VEPH1: variants seen among roughly 807,000 people sequenced by gnomAD.
VEPH1 encodes ventricular zone expressed PH domain containing 1.
VEPH1 carries 80 observed loss-of-function variants against 85.2 expected under a neutral mutation model. That is an observed-to-expected ratio of 0.94 (90% CI 0.78 to 1.13). VEPH1 has a LOEUF of 1.13. VEPH1 is among the 50% of genes most tolerant of loss of function. The pLI is 0.00. For missense variants in VEPH1, 955 were observed against 980.5 expected, an observed-to-expected ratio of 0.97 and a Z score of 0.35; for synonymous variants, 297 against 348.0, an observed-to-expected ratio of 0.85 and a Z score of 1.63.
chr3:157,342,457 A>G (rs1340705252), intron 9 of VEPH1, among the ~76,000 whole-genome samples: 2 of 152,254 alleles, frequency 1.3e-5, no homozygotes, highest in African/African-American at 2.4e-5. Flanking sequence ...TAAAGGGATC[A>G]ATTCAACAAG....
chr3:157,452,227 T>C (rs1050837204), intron 4 of VEPH1, among the ~76,000 whole-genome samples: 5 of 152,254 alleles, frequency 3.3e-5, no homozygotes, highest in East Asian at 3.9e-4. Context: ...GGGTACATCT[T>C]GCAAATGGAT....
chr3:157,348,863 T>A (rs1328724922), intron 9 of VEPH1, among the ~76,000 whole-genome samples: 1 of 152,196 alleles, frequency 6.6e-6, no homozygotes, highest in Non-Finnish European at 1.5e-5. Context: ...ACACTCAAGG[T>A]CTGAAAAATG....
At chr3:157,367,689 T>G (rs893873977) in intron 7 of VEPH1, among the ~76,000 whole-genome samples, 9 of 152,300 alleles carry the variant, frequency 5.9e-5, no homozygotes, top group Middle Eastern at 3.4e-3. Flanking sequence ...ATTTTTAAGT[T>G]TTTAGAGATG....
intron 11 of VEPH1, among the ~76,000 whole-genome samples, chr3:157,295,261 A>C (rs1377170172): frequency 1.3e-5 from 2 of 152,122 alleles, no homozygotes; most frequent in African/African-American, 4.8e-5. Context: ...GATACATTAA[A>C]AATTTAACAT....
At chr3:157,291,602 A>G (rs1410720147) in intron 11 of VEPH1, among the ~76,000 whole-genome samples, 1 of 152,232 alleles carries the variant, frequency 6.6e-6, no homozygotes, top group Non-Finnish European at 1.5e-5. Context: ...TTGTGTCTGC[A>G]GTATTCTTCA....
chr3:157,348,092 C>G (rs2108687358), intron 9 of VEPH1, among the ~76,000 whole-genome samples: 1 of 152,272 alleles, frequency 6.6e-6, no homozygotes, highest in African/African-American at 2.4e-5. Flanking sequence ...TCTTGCGTAG[C>G]AGGGAAACCA....
Position 157,381,219 on chromosome 3 carries a change from C to G in VEPH1, c.1064G>C (p.Ser355Thr), listed in dbSNP as rs1728724979. The change falls in exon 7 of 14, where the codon AGC becomes ACC. Residue 355 changes from serine to threonine, a missense_variant. Transcript: ENST00000362010. ...AAGGAGTTTAGCAATGGCGGTGAAGCTGTTGCTCATGCGGAAGATGTCTCT... is the reference window on the plus strand; with the variant it reads ...AAGGAGTTTAGCAATGGCGGTGAAGGTGTTGCTCATGCGGAAGATGTCTCT... ...QSRDIFRMSN[S>T]FTAIAKLLTR... 1.2e-6 allele frequency: 2 copies of G among 1,613,926 alleles called. No individual in the cohort carries two copies. The highest frequency in any genetic ancestry group is 1.7e-5 in the Admixed American group (1 of 59,986).
chr3:157,352,273 A>G (rs1724948488), intron 9 of VEPH1, among the ~76,000 whole-genome samples: 1 of 152,170 alleles, frequency 6.6e-6, no homozygotes, highest in African/African-American at 2.4e-5. Flanking sequence ...AAATAACTCA[A>G]CTACTGGATT....
intron 5 of VEPH1, among the ~76,000 whole-genome samples, chr3:157,418,946 G>A (rs1732124411): frequency 6.6e-6 from 1 of 152,156 alleles, no homozygotes; most frequent in African/African-American, 2.4e-5. Context: ...CGAGGCTACA[G>A]TAACCAAAAC....
At chr3:157,264,445 GTA>G (rs1480141872) in intron 13 of VEPH1, among the ~76,000 whole-genome samples, 1 of 152,036 alleles carries the variant, frequency 6.6e-6, no homozygotes, top group Non-Finnish European at 1.5e-5. Context: ...AGTAAATCTC[GTA>G]TATGTCTTTA....
chr3:157,360,197 A>G (rs1236008693), intron 9 of VEPH1, among the ~76,000 whole-genome samples: 1 of 152,190 alleles, frequency 6.6e-6, no homozygotes, highest in East Asian at 1.9e-4. Flanking sequence ...TGAATAATTT[A>G]CAGTACTTCT....
intron 2 of VEPH1, among the ~76,000 whole-genome samples, chr3:157,476,587 T>A (rs1249966075): frequency 6.6e-6 from 1 of 152,118 alleles, no homozygotes; most frequent in Non-Finnish European, 1.5e-5. Context: ...AAGAAGCCAC[T>A]CAACCTTATA....
At position 157,363,612 on chromosome 3, in the gene VEPH1, G is replaced by T. The variant is rs1404005417; in HGVS notation, c.1487C>A (p.Thr496Lys). 6.2e-7 allele frequency: 1 copy of T among 1,614,138 alleles called. No individual in the cohort carries two copies. Among genetic ancestry groups the T allele is most frequent in the Non-Finnish European group, 8.5e-7 (1 of 1,180,008 alleles). The part of the protein sequence containing the change: ...GQGNDKLPFK[T>K]DTERSQLGES... ...CCCCAGCTGTGATCTCTCAGTGTCT[G>T]TCTTAAACGGCAGCTTGTCATTTCC... Residue 496 changes from threonine (T) to lysine (K), a missense_variant, in exon 9 of 14, where the codon ACA (threonine) becomes AAA (lysine). Coordinates refer to ENST00000362010, the MANE Select transcript of VEPH1 (RefSeq NM_001167912.2).
chr3:157,396,586 C>T (rs998945627), intron 6 of VEPH1, among the ~76,000 whole-genome samples: 3 of 152,222 alleles, frequency 2.0e-5, no homozygotes, highest in African/African-American at 7.2e-5. Context: ...TATTTCTCCA[C>T]AGCCTTGCCA....
At chr3:157,405,468 A>G (rs1462389944) in intron 6 of VEPH1, among the ~76,000 whole-genome samples, 1 of 152,172 alleles carries the variant, frequency 6.6e-6, no homozygotes, top group East Asian at 1.9e-4. Flanking sequence ...GAGAAGGAAG[A>G]AAACAGGAAC....
At chr3:157,452,720 G>A (rs955128169) in intron 4 of VEPH1, among the ~76,000 whole-genome samples, 3 of 152,174 alleles carry the variant, frequency 2.0e-5, no homozygotes, top group East Asian at 1.9e-4. Context: ...TGTATTTGGC[G>A]GTGCTAAGAT....
chr3:157,378,058 A>G (rs1728325836), intron 7 of VEPH1, among the ~76,000 whole-genome samples: 1 of 151,998 alleles, frequency 6.6e-6, no homozygotes, highest in Non-Finnish European at 1.5e-5. Flanking sequence ...CATGTTAGCC[A>G]TGGCTTGGAG....
intron 5 of VEPH1, among the ~76,000 whole-genome samples, chr3:157,418,219 A>G (rs1054330873): frequency 6.6e-6 from 1 of 152,168 alleles, no homozygotes; most frequent in African/African-American, 2.4e-5. Context: ...CCCAAACAGA[A>G]TGCTCTAAAC....
intron 9 of VEPH1, among the ~76,000 whole-genome samples, chr3:157,361,176 T>C (rs1726012391): frequency 6.6e-6 from 1 of 152,232 alleles, no homozygotes; most frequent in East Asian, 1.9e-4. Flanking sequence ...TTTAGCTATT[T>C]CCAAGCCCTG....
Sources: allele counts gnomAD v4.1 joint callset (sites outside exome capture counted in the v4.1 genomes callset), GRCh38; gene constraint gnomAD v4.1.1; transcripts MANE v1.5; gene names NCBI Gene and HGNC (gene_info 2026-07-23, HGNC 2026-07-21).